The following MCC variants were observed in gnomAD, a reference collection of about 807,000 sequenced individuals.
MCC encodes colorectal mutant cancer protein.
Under a neutral mutation model 116.2 loss-of-function variants are expected in MCC, and 90 were observed. The observed-to-expected ratio is 0.77, with a 90% CI of 0.65 to 0.92. The LOEUF (loss-of-function observed/expected upper bound fraction) is 0.92. MCC is among the 40% of genes least tolerant of loss of function. The pLI, the probability that MCC is intolerant of heterozygous loss-of-function variation, is 0.00. For synonymous variants in MCC, 578 were observed against 510.5 expected (o/e 1.13, Z -1.78); for missense variants, 1,516 against 1,312.2 (o/e 1.16, Z -2.40).
chr5:113,460,405 C>A (rs142437285), intron 1 of MCC, among the ~76,000 whole-genome samples: 120 of 152,338 alleles, frequency 7.9e-4, no homozygotes, highest in African/African-American at 2.6e-3. Context: ...ATTAATACAT[C>A]TTCTTCTGTG....
chr5:113,136,677 A>T (rs1403994743), intron 5 of MCC, among the ~76,000 whole-genome samples: 2 of 152,166 alleles, frequency 1.3e-5, no homozygotes, highest in African/African-American at 4.8e-5. Flanking sequence ...TGCTAAAATG[A>T]TTTTAACGTG....
chr5:113,415,499 T>C (rs1323661737), intron 1 of MCC, among the ~76,000 whole-genome samples: 1 of 152,202 alleles, frequency 6.6e-6, no homozygotes, highest in Non-Finnish European at 1.5e-5. Context: ...CTTCTCTTCT[T>C]GCTTTATTTC....
chr5:113,411,749 T>A (rs921712694), intron 1 of MCC, among the ~76,000 whole-genome samples: 1 of 152,226 alleles, frequency 6.6e-6, no homozygotes, highest in African/African-American at 2.4e-5. Flanking sequence ...GTAGTTTCTT[T>A]TGCTGTGCAG....
intron 4 of MCC, among the ~76,000 whole-genome samples, chr5:113,144,060 T>C (rs1428895659): frequency 1.3e-5 from 2 of 152,302 alleles, no homozygotes; most frequent in Admixed American, 1.3e-4. Flanking sequence ...ATGGCCTGGT[T>C]TACTGTGGGT....
At chr5:113,465,941 ATT>A (rs200365462) in intron 1 of MCC, among the ~76,000 whole-genome samples, 11 of 143,966 alleles carry the variant, frequency 7.6e-5, no homozygotes, top group Admixed American at 2.8e-4. Flanking sequence ...ATTAACCCAC[ATT>A]TTTTTTTTTT....
Position 113,487,361 on chromosome 5 carries a change from A to G in MCC, c.170+884T>C, listed in dbSNP as rs778561285. The stretch of plus-strand genomic sequence containing the variant: ...AATTTCCACGGATACCAAGTCTTCA[A>G]TGGCCGGTGTCAACCATTCAATAGA... On this transcript the variant is annotated intron_variant, in intron 1 of 18. Transcript: ENST00000408903. 1.6e-4 allele frequency among the ~76,000 whole-genome samples: 24 copies of G among 152,230 alleles called. 1 individual carries two copies. Among genetic ancestry groups the G allele is most frequent in the Non-Finnish European group, 1.5e-5 (1 of 68,032 alleles).
intron 3 of MCC, among the ~76,000 whole-genome samples, chr5:113,270,545 A>G (rs973116787): frequency 3.3e-5 from 5 of 151,220 alleles, no homozygotes; most frequent in African/African-American, 1.2e-4. Flanking sequence ...GGTACCCAAG[A>G]TAACAATGTG....
intron 3 of MCC, among the ~76,000 whole-genome samples, chr5:113,187,686 C>T (rs1260893021): frequency 6.7e-6 from 1 of 149,070 alleles, no homozygotes; most frequent in Non-Finnish European, 1.5e-5. Flanking sequence ...ACCCAGGAGG[C>T]GGAGCTTGCA....
chr5:113,202,214 G>GAA (rs796669446), intron 3 of MCC, among the ~76,000 whole-genome samples: 3 of 145,156 alleles, frequency 2.1e-5, no homozygotes, highest in Admixed American at 6.9e-5. Flanking sequence ...GCAAAAGGGG[G>GAA]AAAAAAAAAA....
At chr5:113,473,555 A>T (rs1235275259) in intron 1 of MCC, among the ~76,000 whole-genome samples, 2 of 152,066 alleles carry the variant, frequency 1.3e-5, no homozygotes, top group Non-Finnish European at 2.9e-5. Context: ...ACAAAACAAA[A>T]CAAAACAAAA....
At chr5:113,325,904 G>A (rs1040772801) in intron 3 of MCC, among the ~76,000 whole-genome samples, 1 of 152,132 alleles carries the variant, frequency 6.6e-6, no homozygotes, top group Non-Finnish European at 1.5e-5. Context: ...TGATCTTAAT[G>A]TATCTGAACT....
At chr5:113,245,566 C>A (rs1055463112) in intron 3 of MCC, among the ~76,000 whole-genome samples, 1 of 151,994 alleles carries the variant, frequency 6.6e-6, no homozygotes, top group African/African-American at 2.4e-5. Flanking sequence ...GGTATGCCAC[C>A]AGGATAATAG....
intron 3 of MCC, among the ~76,000 whole-genome samples, chr5:113,220,240 T>G (rs933821587): frequency 1.3e-5 from 2 of 150,618 alleles, no homozygotes; most frequent in South Asian, 4.3e-4. Flanking sequence ...TTGTATTTTT[T>G]AGTAGAGACA....
In MCC at chr5:113,181,061, T is replaced by C. The variant is rs759621310; in HGVS notation, c.628-29639A>G. Reference sequence around the variant, plus strand: ...GCAATGCCCTAAAAACCTATATTCTTATATTGAGACCAACACATCTCTATG... The same window carrying C: ...GCAATGCCCTAAAAACCTATATTCTCATATTGAGACCAACACATCTCTATG... On this transcript the variant is annotated intron_variant, in intron 3 of 18. Coordinates refer to ENST00000408903, the MANE Select transcript of MCC (RefSeq NM_001085377.2). Among the ~76,000 whole-genome samples the C allele has an allele frequency of 3.4e-4, 52 of 152,202 alleles. 1 individual carries two copies. The highest frequency in any genetic ancestry group is 6.6e-4 in the Non-Finnish European group (45 of 68,030).
At position 113,046,710 on chromosome 5, in the gene MCC, A is replaced by AAAAAAAAAAAAAAAAAAAAAAAAG; in HGVS notation, c.2655+2382_2655+2383insCTTTTTTTTTTTTTTTTTTTTTTT. 2.9e-3 allele frequency among the ~76,000 whole-genome samples: 293 copies of AAAAAAAAAAAAAAAAAAAAAAAAG among 102,442 alleles called. 65 individuals are homozygous for AAAAAAAAAAAAAAAAAAAAAAAAG. The highest frequency in any genetic ancestry group is 4.0e-3 in the Non-Finnish European group (205 of 51,334). 67.2% of individuals were successfully genotyped at this position (102,442 alleles called of 152,430 possible). Reference sequence around the variant, plus strand: ...CAAAAAAAAAAAAAAAAAAAAAAAAAAGAGAGAGATTTTGAAGGTGTTTGT... The same window carrying AAAAAAAAAAAAAAAAAAAAAAAAG: ...CAAAAAAAAAAAAAAAAAAAAAAAAAAAAAAAAAAAAAAAAAAAAAAAAGAGAGAGAGATTTTGAAGGTGTTTGT... On this transcript the variant is annotated intron_variant, in intron 16 of 18. Coordinates refer to ENST00000408903, the MANE Select transcript of MCC (RefSeq NM_001085377.2).
chr5:113,338,619 G>A (rs1282599107), intron 3 of MCC, among the ~76,000 whole-genome samples: 2 of 152,238 alleles, frequency 1.3e-5, no homozygotes, highest in South Asian at 4.1e-4. Context: ...ACTGATTTCT[G>A]CTATAACCCA....
At chr5:113,303,611 G>A (rs1333919497) in intron 3 of MCC, among the ~76,000 whole-genome samples, 1 of 152,196 alleles carries the variant, frequency 6.6e-6, no homozygotes, top group Non-Finnish European at 1.5e-5. Flanking sequence ...AATTAGACGA[G>A]TGTGGATTGA....
chr5:113,118,688 C>T (rs1201142653), intron 6 of MCC, among the ~76,000 whole-genome samples: 4 of 152,328 alleles, frequency 2.6e-5, no homozygotes, highest in African/African-American at 9.6e-5. Flanking sequence ...GAAATGGCTA[C>T]TTTTAAATGA....
At chr5:113,077,985 C>T (rs958018008) in intron 11 of MCC, among the ~76,000 whole-genome samples, 1 of 152,098 alleles carries the variant, frequency 6.6e-6, no homozygotes, top group Non-Finnish European at 1.5e-5. Context: ...CACCACTGAT[C>T]CCACAAAAAT....
Sources: gnomAD v4.1 joint callset for allele counts (sites outside exome capture counted in the v4.1 genomes callset) on GRCh38, gnomAD v4.1.1 for gene constraint, MANE v1.5 for transcripts, NCBI Gene and HGNC (gene_info 2026-07-23, HGNC 2026-07-21) for gene names.